Variants in EGF observed in about 807,000 individuals in gnomAD.
EGF encodes the protein pro-epidermal growth factor.
In EGF, 95 loss-of-function variants were observed where a neutral mutation model predicts 143.8. The ratio of observed to expected loss-of-function variants is 0.66; its 90% CI spans 0.56 to 0.78. The LOEUF (loss-of-function observed/expected upper bound fraction) is 0.78. Among genes scored for constraint, EGF ranks in the 30% least tolerant of loss-of-function variants. The pLI is 0.00. For missense variants in EGF, 1,320 were observed against 1,470.9 expected (o/e 0.90, Z 1.68); for synonymous variants, 510 against 510.5 (o/e 1.00, Z 0.01).
intron 14 of EGF, 65 bp from the exon 15 acceptor site, chr4:109,980,761 C>T (rs1749230425): frequency 1.9e-6 from 3 of 1,599,438 alleles, no homozygotes; most frequent in Admixed American, 1.7e-5. Flanking sequence ...AAGCTGTAGA[C>T]TTGCATTAAT....
In EGF at chr4:109,987,840, G is replaced by A; in HGVS notation, c.2588G>A (p.Gly863Glu). 1 of 1,613,710 alleles carries A rather than the reference G, an allele frequency of 6.2e-7. No individual in the cohort carries two copies. Among genetic ancestry groups the A allele is most frequent in the East Asian group, 2.2e-5 (1 of 44,866 alleles). Residue 863 changes from glycine to glutamate, a missense_variant, in exon 17 of 24, where the codon GGG becomes GAG. Physicochemically the swap from Gly to Glu is moderately conservative, Grantham distance 98. Transcript: ENST00000265171. ...TGTCAGTGTTTGAAAGGATTTGCTG[G>A]GGATGGAAAACTATGTTCTGGTAAG... ...ATCQCLKGFAGDGKLCSDIDE... is the reference protein window; with the variant it reads ...ATCQCLKGFAEDGKLCSDIDE...
At chr4:109,999,098 A>G (rs1040621584) in intron 20 of EGF, among the ~76,000 whole-genome samples, 2 of 152,214 alleles carry the variant, frequency 1.3e-5, no homozygotes, top group African/African-American at 4.8e-5. Flanking sequence ...CATTGAAGAA[A>G]ATAGGCAAAT....
chr4:110,013,413 C>G lies in EGF; in HGVS notation c.*1958C>G, dbSNP rs1754155321. Among the ~76,000 whole-genome samples, 1 of 152,020 alleles carries G rather than the reference C, an allele frequency of 6.6e-6. No homozygotes were observed. ...ACTCTGGTACCTTAGAAACTGGGACCCTGCTAAGTCCTTGACTAGGCTATC... is the reference window on the plus strand; with the variant it reads ...ACTCTGGTACCTTAGAAACTGGGACGCTGCTAAGTCCTTGACTAGGCTATC... On this transcript the variant is annotated 3_prime_UTR_variant, in exon 24 of 24. Transcript: ENST00000265171.
intron 1 of EGF, among the ~76,000 whole-genome samples, chr4:109,923,867 C>A (rs1738206774): frequency 6.6e-6 from 1 of 151,494 alleles, no homozygotes; most frequent in Non-Finnish European, 1.5e-5. Flanking sequence ...GAGAGCCACC[C>A]ACCTTGGCCT....
intron 1 of EGF, among the ~76,000 whole-genome samples, chr4:109,915,407 C>T (rs951364162): frequency 6.6e-6 from 1 of 152,120 alleles, no homozygotes; most frequent in Non-Finnish European, 1.5e-5. Flanking sequence ...CTGGGCTCCA[C>T]GTCTTGGCTA....
intron 5 of EGF, among the ~76,000 whole-genome samples, chr4:109,952,705 T>C (rs1363298426): frequency 2.0e-5 from 3 of 152,234 alleles, no homozygotes; most frequent in East Asian, 1.9e-4. Flanking sequence ...TTTATAGTTA[T>C]TGACATTTTC....
intron 7 of EGF, 24 bp downstream of exon 7, chr4:109,961,013 A>T: frequency 6.2e-7 from 1 of 1,612,690 alleles, no homozygotes; most frequent in Non-Finnish European, 8.5e-7. Flanking sequence ...ACAAGTATTT[A>T]TTGCATTAGT....
At chr4:109,975,765 C>CT (rs1241455370) in intron 12 of EGF, among the ~76,000 whole-genome samples, 1 of 152,146 alleles carries the variant, frequency 6.6e-6, no homozygotes, top group Non-Finnish European at 1.5e-5. Context: ...AAACCAATTT[C>CT]TTTTTTAATC....
chr4:109,920,433 G>C (rs762254436), intron 1 of EGF, among the ~76,000 whole-genome samples: 4 of 151,588 alleles, frequency 2.6e-5, no homozygotes, highest in Non-Finnish European at 5.9e-5. Context: ...CACTGGTGTG[G>C]CCAGAGGTCG....
intron 1 of EGF, among the ~76,000 whole-genome samples, chr4:109,915,017 T>C (rs1034126268): frequency 1.3e-5 from 2 of 152,186 alleles, no homozygotes; most frequent in Non-Finnish European, 2.9e-5. Context: ...AAAAATGAGC[T>C]TTTATGGATG....
intron 12 of EGF, among the ~76,000 whole-genome samples, chr4:109,975,014 T>C (rs1183507384): frequency 6.6e-6 from 1 of 152,224 alleles, no homozygotes. Context: ...TAAATTCAGT[T>C]TGTTTTTGAA....
intron 1 of EGF, among the ~76,000 whole-genome samples, chr4:109,913,917 G>C (rs1736142039): frequency 6.6e-6 from 1 of 152,142 alleles, no homozygotes; most frequent in African/African-American, 2.4e-5. Context: ...AAATGGAAAG[G>C]GAACTGTGAA....
chr4:109,995,255 G>A (rs1751604267), intron 20 of EGF, among the ~76,000 whole-genome samples: 1 of 152,088 alleles, frequency 6.6e-6, no homozygotes, highest in South Asian at 2.1e-4. Context: ...TTATGTGTGA[G>A]CATCCGTGAT....
At chr4:109,980,234 G>A in intron 14 of EGF, 95 bp downstream of exon 14, 3 of 1,332,008 alleles carry the variant, frequency 2.3e-6, no homozygotes, top group Non-Finnish European at 2.0e-6. Context: ...GGGTGGAGGG[G>A]ATTTTGTAAC....
intron 1 of EGF, among the ~76,000 whole-genome samples, chr4:109,923,559 G>A (rs1036809846): frequency 6.6e-6 from 1 of 151,400 alleles, no homozygotes; most frequent in Non-Finnish European, 1.5e-5. Flanking sequence ...CACTTAGGGG[G>A]AAGTTATTTA....
chr4:109,928,335 G>A (rs1359459392), intron 1 of EGF, among the ~76,000 whole-genome samples: 1 of 152,150 alleles, frequency 6.6e-6, no homozygotes, highest in Non-Finnish European at 1.5e-5. Context: ...GTGGGGTTAG[G>A]TTCCAGGTCA....
rs191678023 is a variant in EGF at position 109,938,067 on chromosome 4, T to G, written c.128-2879T>G. On this transcript the variant is annotated intron_variant, in intron 1 of 23. Coordinates refer to ENST00000265171, the MANE Select transcript of EGF (RefSeq NM_001963.6). Reference sequence around the variant, plus strand: ...GAATTTGAATGTTGGCCTGCCTTGCTAGGTTGGAGATATTCTCCTGGATAA... The same window carrying G: ...GAATTTGAATGTTGGCCTGCCTTGCGAGGTTGGAGATATTCTCCTGGATAA... Among the ~76,000 whole-genome samples, 493 of 152,344 alleles carry G rather than the reference T, an allele frequency of 3.2e-3. 4 individuals carry two copies. Among genetic ancestry groups the G allele is most frequent in the Non-Finnish European group, 5.2e-3 (351 of 68,026 alleles).
intron 21 of EGF, 162 bp from the exon 22 acceptor site, chr4:110,004,343 A>T: frequency 1.3e-6 from 1 of 748,814 alleles, no homozygotes; most frequent in Non-Finnish European, 2.4e-6. Flanking sequence ...AGACTGCCTT[A>T]AACATCTAAA....
chr4:109,993,329 G>T lies in EGF; in HGVS notation c.2817G>T (p.Met939Ile). The T allele has an allele frequency of 1.9e-6, 3 of 1,613,834 alleles. No individual in the cohort carries two copies. The highest frequency in any genetic ancestry group is 1.7e-4 in the Middle Eastern group (1 of 5,924). Reference sequence around the variant, plus strand: ...ATACAGAGGGAGGCTATACCTGCATGTGTGCTGGACGCCTGTCTGAACCAG... The same window carrying T: ...ATACAGAGGGAGGCTATACCTGCATTTGTGCTGGACGCCTGTCTGAACCAG... ...CTNTEGGYTCMCAGRLSEPGL... is the reference protein window; with the variant it reads ...CTNTEGGYTCICAGRLSEPGL... The change falls in exon 19 of 24, where the codon ATG becomes ATT. Residue 939 changes from methionine to isoleucine, a missense_variant. By Grantham distance (10) the Met-to-Ile change is conservative (BLOSUM62 1). Coordinates refer to ENST00000265171, the MANE Select transcript of EGF (RefSeq NM_001963.6).
Sources: gnomAD v4.1 joint callset for allele counts (sites outside exome capture counted in the v4.1 genomes callset) on GRCh38, gnomAD v4.1.1 for gene constraint, MANE v1.5 for transcripts, NCBI Gene and HGNC (gene_info 2026-07-23, HGNC 2026-07-21) for gene names.